MARCHF4: variants seen among roughly 807,000 people sequenced by gnomAD.
MARCHF4 encodes membrane associated ring-CH-type finger 4.
A neutral mutation model predicts 43.9 loss-of-function variants in MARCHF4; 14 were observed. The ratio of observed to expected loss-of-function variants is 0.32; its 90% confidence interval spans 0.21 to 0.50. The LOEUF (loss-of-function observed/expected upper bound fraction) is 0.50. Ranked by LOEUF, MARCHF4 falls within the 20% of genes least tolerant of loss-of-function variation. The pLI is 0.98. For synonymous variants in MARCHF4, 226 were observed against 213.3 expected, an observed-to-expected ratio of 1.06 and a Z score of -0.52; for missense variants, 468 against 536.7, an observed-to-expected ratio of 0.87 and a Z score of 1.27.
At chr2:216,304,551 T>C (rs1194899635) in intron 1 of MARCHF4, among the ~76,000 whole-genome samples, 1 of 152,210 alleles carries the variant, frequency 6.6e-6, no homozygotes, top group African/African-American at 2.4e-5. Flanking sequence ...TTGTCCTAAT[T>C]CTCCTTGCAC....
At position 216,302,287 on chromosome 2, in the gene MARCHF4, C is replaced by T. The variant is rs62181073; in HGVS notation, c.517-18558G>A. ...AGGCTGGAGTGCAGTGGTGTGATCT[C>T]GGCTCACTGCAAGCTCCGCCTCCTG... On this transcript the variant is annotated intron_variant, in intron 1 of 3. Transcript: ENST00000273067. Among the ~76,000 whole-genome samples the T allele has an allele frequency of 2.7e-3, 404 of 151,800 alleles. 1 individual carries two copies. The highest frequency in any genetic ancestry group is 4.1e-3 in the Non-Finnish European group (278 of 67,916).
chr2:216,336,742 TAAAAAAAAAAAA>T (rs58031229), intron 1 of MARCHF4, among the ~76,000 whole-genome samples: 2 of 55,680 alleles, frequency 3.6e-5, no homozygotes, highest in Admixed American at 2.8e-4. Flanking sequence ...CAAATAGATT[TAAAAAAAAAAAA>T]AAAAAAAAAA....
chr2:216,370,117 G>C lies in MARCHF4; in HGVS notation c.144C>G (p.Asp48Glu), dbSNP rs932719973. ...LKCRCRMLFN[D>E]LKVFLLRRPP... ...GGCGCCGCAGTAAGAAAACCTTCAGGTCATTGAAGAGCATGCGGCAGCGGC... is the reference window on the plus strand; with the variant it reads ...GGCGCCGCAGTAAGAAAACCTTCAGCTCATTGAAGAGCATGCGGCAGCGGC... Residue 48 changes from aspartate (D) to glutamate (E), a missense_variant, in exon 1 of 4, where the codon GAC (aspartate) becomes GAG (glutamate). This residue lies in a region of MARCHF4 where 190 missense variants were observed against 158.5 expected (regional missense o/e 1.20). Transcript: ENST00000273067. The C allele has an allele frequency of 2.3e-5, 37 of 1,602,076 alleles. No homozygotes were observed. Among genetic ancestry groups the C allele is most frequent in the Non-Finnish European group, 3.1e-5 (37 of 1,174,696 alleles).
intron 3 of MARCHF4, among the ~76,000 whole-genome samples, chr2:216,269,991 C>G (rs927209548): frequency 1.3e-5 from 2 of 152,216 alleles, no homozygotes; most frequent in Non-Finnish European, 2.9e-5. Context: ...TCAAAACCCA[C>G]AGCTTCAAAC....
intron 3 of MARCHF4, among the ~76,000 whole-genome samples, chr2:216,275,426 G>C (rs1475808696): frequency 6.6e-6 from 1 of 152,168 alleles, no homozygotes; most frequent in Non-Finnish European, 1.5e-5. Context: ...AAAGTCACAG[G>C]TGGCATCTGT....
chr2:216,301,924 C>G (rs1056136205), intron 1 of MARCHF4, among the ~76,000 whole-genome samples: 4 of 152,154 alleles, frequency 2.6e-5, no homozygotes, highest in African/African-American at 9.7e-5. Flanking sequence ...AACATGTCTT[C>G]GTGATTCCTT....
At chr2:216,363,324 G>T (rs1028522528) in intron 1 of MARCHF4, among the ~76,000 whole-genome samples, 1 of 152,290 alleles carries the variant, frequency 6.6e-6, no homozygotes, top group South Asian at 2.1e-4. Context: ...TTAGAGAACT[G>T]CTTCACAACT....
chr2:216,332,773 A>C (rs1014347714), intron 1 of MARCHF4, among the ~76,000 whole-genome samples: 3 of 152,210 alleles, frequency 2.0e-5, no homozygotes, highest in Non-Finnish European at 4.4e-5. Context: ...CTAATGATAT[A>C]GCCATAGTAA....
rs564962745 is a variant in MARCHF4, at chr2:216,302,492, T to G, written c.517-18763A>C. Among the ~76,000 whole-genome samples, 10 of 151,774 alleles carry G rather than the reference T, an allele frequency of 6.6e-5. No homozygotes were observed. In the South Asian group the frequency reaches 1.5e-3, roughly 22 times the overall value. Reference sequence around the variant, plus strand: ...ATCCACCCGCCTCTGCCTCCCAAAGTGCTGGGATTACAGGCATGAGCCACT... The same window carrying G: ...ATCCACCCGCCTCTGCCTCCCAAAGGGCTGGGATTACAGGCATGAGCCACT... On this transcript the variant is annotated intron_variant, in intron 1 of 3. Coordinates refer to ENST00000273067, the MANE Select transcript of MARCHF4 (RefSeq NM_020814.3).
intron 1 of MARCHF4, among the ~76,000 whole-genome samples, chr2:216,339,389 T>A (rs1692205980): frequency 6.6e-6 from 1 of 152,202 alleles, no homozygotes; most frequent in Non-Finnish European, 1.5e-5. Context: ...CCTTGGGAAA[T>A]CCACCCATCC....
At position 216,366,666 on chromosome 2, in the gene MARCHF4, A is replaced by G. The variant is rs1200097267; in HGVS notation, c.516+3079T>C. Among the ~76,000 whole-genome samples the G allele has an allele frequency of 2.0e-5, 3 of 152,182 alleles. No homozygotes were observed. In the East Asian group the frequency reaches 5.8e-4, roughly 29 times the overall value. On this transcript the variant is annotated intron_variant, in intron 1 of 3. Coordinates refer to ENST00000273067, the MANE Select transcript of MARCHF4 (RefSeq NM_020814.3). The stretch of plus-strand genomic sequence containing the variant: ...ATTTAGGTGTCAGCTCAGATGACAC[A>G]TTCTTAGGAAGACTTTTCCTGATTA...
intron 1 of MARCHF4, among the ~76,000 whole-genome samples, chr2:216,289,607 T>C (rs1012783825): frequency 1.3e-5 from 2 of 152,230 alleles, no homozygotes; most frequent in Admixed American, 1.3e-4. Flanking sequence ...ATTTTTCACA[T>C]CTTTCAGTCT....
At chr2:216,365,577 C>T (rs1021814750) in intron 1 of MARCHF4, among the ~76,000 whole-genome samples, 1 of 152,228 alleles carries the variant, frequency 6.6e-6, no homozygotes, top group Admixed American at 6.5e-5. Context: ...TCTTCTGCTT[C>T]CATCTGTCTA....
intron 1 of MARCHF4, among the ~76,000 whole-genome samples, chr2:216,332,687 A>C (rs1231174433): frequency 6.6e-6 from 1 of 152,212 alleles, no homozygotes; most frequent in African/African-American, 2.4e-5. Flanking sequence ...GAGAAATTTA[A>C]TAAAATATAA....
At chr2:216,341,999 A>G (rs1207228011) in intron 1 of MARCHF4, among the ~76,000 whole-genome samples, 2 of 152,238 alleles carry the variant, frequency 1.3e-5, no homozygotes, top group African/African-American at 2.4e-5. Context: ...AGGGGCAACC[A>G]CTATTCAGCA....
Position 216,293,388 on chromosome 2 carries a change from G to A in MARCHF4, c.517-9659C>T, listed in dbSNP as rs1054988434. Among the ~76,000 whole-genome samples the A allele has an allele frequency of 5.9e-5, 9 of 151,956 alleles. 1 individual carries two copies. The highest frequency in any genetic ancestry group is 2.2e-4 in the African/African-American group (9 of 41,372). ...AAAAAGAAAGAACTCTATTACTAGG[G>A]AAAAAAGATTTAAGGCCTTAATGAG... On this transcript the variant is annotated intron_variant, in intron 1 of 3. Transcript: ENST00000273067.
chr2:216,289,295 C>T (rs886935527), intron 1 of MARCHF4, among the ~76,000 whole-genome samples: 17 of 146,396 alleles, frequency 1.2e-4, no homozygotes, highest in Non-Finnish European at 2.2e-4. Context: ...TGTCTTGCCA[C>T]TTCTCTAAAA....
chr2:216,317,676 A>C (rs374735506), intron 1 of MARCHF4, among the ~76,000 whole-genome samples: 3 of 152,348 alleles, frequency 2.0e-5, no homozygotes, highest in East Asian at 3.9e-4. Context: ...GGCCTCCCAA[A>C]GTGCTGGGAT....
intron 1 of MARCHF4, among the ~76,000 whole-genome samples, chr2:216,346,361 G>A (rs1291970935): frequency 7.0e-6 from 1 of 143,276 alleles, no homozygotes; most frequent in Non-Finnish European, 1.5e-5. Flanking sequence ...GGGTGTTTTT[G>A]TGCATATAGT....
Sources: allele counts gnomAD v4.1 joint callset (sites outside exome capture counted in the v4.1 genomes callset), GRCh38; gene constraint gnomAD v4.1.1; regional missense constraint gnomAD v4.1.1; transcripts MANE v1.5; gene names NCBI Gene and HGNC (gene_info 2026-07-23, HGNC 2026-07-21).